Variants in IGF2BP3 observed in about 807,000 individuals in gnomAD.
IGF2BP3 encodes the protein insulin-like growth factor 2 mRNA-binding protein 3.
Under a neutral mutation model 73.8 loss-of-function variants are expected in IGF2BP3, and 9 were observed. That is an observed-to-expected ratio of 0.12 (90% CI 0.07 to 0.21). The LOEUF (loss-of-function observed/expected upper bound fraction) is 0.21, where lower values mean the gene tolerates loss of function less well. Ranked by LOEUF, IGF2BP3 falls within the 10% of genes least tolerant of loss-of-function variation. The pLI is 1.00. For synonymous variants in IGF2BP3, 258 were observed against 256.7 expected, an observed-to-expected ratio of 1.01 and a Z score of -0.05; for missense variants, 542 against 714.0, an observed-to-expected ratio of 0.76 and a Z score of 2.75.
intron 10 of IGF2BP3, among the ~76,000 whole-genome samples, chr7:23,331,546 A>G (rs1218905342): frequency 6.6e-6 from 1 of 152,136 alleles, no homozygotes; most frequent in African/African-American, 2.4e-5. Context: ...ACAAACAAAA[A>G]AAGAACTACC....
At chr7:23,428,253 C>T (rs376051993) in intron 2 of IGF2BP3, among the ~76,000 whole-genome samples, 2 of 151,920 alleles carry the variant, frequency 1.3e-5, no homozygotes, top group African/African-American at 4.8e-5. Flanking sequence ...AGGCAGATCA[C>T]GAGGTCAGGA....
chr7:23,458,555 C>T (rs1466475023), intron 2 of IGF2BP3, among the ~76,000 whole-genome samples: 7 of 152,184 alleles, frequency 4.6e-5, no homozygotes, highest in African/African-American at 1.7e-4. Flanking sequence ...CACAATCAGC[C>T]TCCTGAGACA....
chr7:23,455,491 A>G (rs184646010), intron 2 of IGF2BP3, among the ~76,000 whole-genome samples: 200 of 152,208 alleles, frequency 1.3e-3, no homozygotes, highest in African/African-American at 3.5e-3. Flanking sequence ...CCCTCCTCCT[A>G]TGTTCTGGGG....
intron 2 of IGF2BP3, among the ~76,000 whole-genome samples, chr7:23,466,303 G>A (rs949395894): frequency 2.0e-5 from 3 of 152,188 alleles, no homozygotes; most frequent in Non-Finnish European, 2.9e-5. Flanking sequence ...GATTACAGGC[G>A]TGAGCCACTG....
intron 2 of IGF2BP3, among the ~76,000 whole-genome samples, chr7:23,423,525 T>C (rs1787410067): frequency 6.6e-6 from 1 of 152,198 alleles, no homozygotes; most frequent in Non-Finnish European, 1.5e-5. Flanking sequence ...AAAACATACA[T>C]AAATACATAG....
At chr7:23,418,750 T>C in intron 3 of IGF2BP3, 26 bp downstream of exon 3, 1 of 1,494,758 alleles carries the variant, frequency 6.7e-7, no homozygotes, top group Non-Finnish European at 9.2e-7. Flanking sequence ...TACTTAGATC[T>C]TAATTTTAAA....
chr7:23,381,091 C>T (rs1285569817), intron 3 of IGF2BP3, among the ~76,000 whole-genome samples: 2 of 152,186 alleles, frequency 1.3e-5, no homozygotes, highest in Non-Finnish European at 2.9e-5. Context: ...CAGGCCCTAG[C>T]ACAGAGCTAT....
At chr7:23,426,805 G>A (rs1787523807) in intron 2 of IGF2BP3, among the ~76,000 whole-genome samples, 2 of 152,154 alleles carry the variant, frequency 1.3e-5, no homozygotes, top group African/African-American at 4.8e-5. Context: ...GATGTTGGCA[G>A]CTACTAGTGA....
intron 2 of IGF2BP3, among the ~76,000 whole-genome samples, chr7:23,464,354 T>A (rs1321641327): frequency 1.3e-5 from 2 of 152,228 alleles, no homozygotes; most frequent in Admixed American, 6.5e-5. Context: ...TTCCCCCACT[T>A]TTACTGTGGT....
intron 2 of IGF2BP3, among the ~76,000 whole-genome samples, chr7:23,459,939 AAAGTGAAGGCCAGGC>A (rs1788405912): frequency 2.0e-5 from 3 of 151,810 alleles, no homozygotes; most frequent in African/African-American, 7.3e-5. Context: ...AATTTGTAAG[AAAGTGAAGGCCAGGC>A]ACAGTAGTTC....
intron 3 of IGF2BP3, among the ~76,000 whole-genome samples, chr7:23,376,872 A>G (rs146845879): frequency 7.0e-4 from 106 of 152,278 alleles, no homozygotes; most frequent in African/African-American, 2.5e-3. Context: ...TTAACTAACT[A>G]AATAAAAAAA....
chr7:23,356,027 A>T (rs1312792416), intron 5 of IGF2BP3, among the ~76,000 whole-genome samples: 1 of 152,056 alleles, frequency 6.6e-6, no homozygotes, highest in Non-Finnish European at 1.5e-5. Flanking sequence ...CTTGAGGAAG[A>T]GGGGGAAAGA....
rs10260067 is a variant in IGF2BP3 at position 23,445,951 on chromosome 7, C to T, written c.236+22531G>A. Reference sequence around the variant, plus strand: ...AGATAAGTCTGTAGTAAGTATAAAGCTGCTCGTCTAAAATGAAGCACAAAA... The same window carrying T: ...AGATAAGTCTGTAGTAAGTATAAAGTTGCTCGTCTAAAATGAAGCACAAAA... On this transcript the variant is annotated intron_variant, in intron 2 of 14. Coordinates refer to ENST00000258729, the MANE Select transcript of IGF2BP3 (RefSeq NM_006547.3). Among the ~76,000 whole-genome samples the T allele has an allele frequency of 2.0e-3, 299 of 152,192 alleles. 1 individual carries two copies. Among genetic ancestry groups the T allele is most frequent in the Middle Eastern group, 6.8e-3 (2 of 294 alleles).
In IGF2BP3 at chr7:23,411,984, C is replaced by CTTT. The variant is rs767524257; in HGVS notation, c.285+6789_285+6791dup. On this transcript the variant is annotated intron_variant, in intron 3 of 14. Transcript: ENST00000258729. ...CTTCACTACTTTCCCACTTATTTCT[C>CTTT]TTTTTTTTTTTTTTTTTTTTTTCAG... Among the ~76,000 whole-genome samples, 804 of 104,802 alleles carry CTTT rather than the reference C, an allele frequency of 7.7e-3. 41 individuals are homozygous for CTTT. Among genetic ancestry groups the CTTT allele is most frequent in the African/African-American group, 0.024 (559 of 23,376 alleles). 68.8% of individuals were successfully genotyped at this position (104,802 alleles called of 152,430 possible). A position where few individuals can be genotyped will look rare whatever the true frequency, so the allele number is the denominator to read the frequency against.
intron 2 of IGF2BP3, among the ~76,000 whole-genome samples, chr7:23,434,404 C>T (rs1172555927): frequency 1.3e-5 from 2 of 152,156 alleles, no homozygotes; most frequent in Non-Finnish European, 2.9e-5. Flanking sequence ...CACCCCAAAG[C>T]TTGAAGACTG....
chr7:23,331,987 A>G (rs1193071813), intron 10 of IGF2BP3, among the ~76,000 whole-genome samples: 1 of 151,416 alleles, frequency 6.6e-6, no homozygotes. Flanking sequence ...GGCAGGAGGG[A>G]GAGAGAGAGA....
chr7:23,356,861 G>A (rs1396062937), intron 5 of IGF2BP3, among the ~76,000 whole-genome samples: 2 of 151,646 alleles, frequency 1.3e-5, no homozygotes, highest in Non-Finnish European at 2.9e-5. Flanking sequence ...AAAACAAAAC[G>A]GTATGGGCAA....
At chr7:23,315,659 A>G (rs1436997858) in intron 12 of IGF2BP3, among the ~76,000 whole-genome samples, 1 of 152,144 alleles carries the variant, frequency 6.6e-6, no homozygotes, top group South Asian at 2.1e-4. Flanking sequence ...CTATATTCCA[A>G]TGATCCTTAA....
intron 3 of IGF2BP3, among the ~76,000 whole-genome samples, chr7:23,410,851 G>C (rs1030206949): frequency 6.6e-6 from 1 of 152,166 alleles, no homozygotes; most frequent in East Asian, 1.9e-4. Flanking sequence ...CTGATTAAGA[G>C]GAGACACTAA....
Sources: allele counts gnomAD v4.1 joint callset (sites outside exome capture counted in the v4.1 genomes callset), GRCh38; gene constraint gnomAD v4.1.1; transcripts MANE v1.5; gene names NCBI Gene and HGNC (gene_info 2026-07-23, HGNC 2026-07-21).